The following METAP1 variants were observed in gnomAD, a reference collection of about 807,000 sequenced individuals.
METAP1 encodes methionine aminopeptidase 1.
In METAP1, 28 loss-of-function variants were observed where a neutral mutation model predicts 53.8. The ratio of observed to expected loss-of-function variants is 0.52; its 90% CI spans 0.39 to 0.71. The LOEUF is 0.71. Among genes scored for constraint, METAP1 ranks in the 30% least tolerant of loss-of-function variants. METAP1 has a pLI of 0.00. For synonymous variants in METAP1, 181 were observed against 165.7 expected, an observed-to-expected ratio of 1.09 and a Z score of -0.71; for missense variants, 389 against 479.8, an observed-to-expected ratio of 0.81 and a Z score of 1.77.
At position 99,048,739 on chromosome 4, in the gene METAP1, C is replaced by T. The variant is rs1726462210; in HGVS notation, c.794C>T (p.Pro265Leu). The change falls in exon 9 of 11, where the codon CCT becomes CTT. Residue 265 changes from proline (P) to leucine (L), a missense_variant. Pro to Leu is a moderately conservative substitution (Grantham distance 98). Transcript: ENST00000296411. ...TTTTCTTTTTTCCTTTCAGTGAAGC[C>T]TGGTGTTCGGTACAGAGAATTGGGA... The part of the protein sequence containing the change: ...CLMQAIDAVK[P>L]GVRYRELGNI... 1.2e-6 allele frequency: 2 copies of T among 1,613,470 alleles called. No individual in the cohort carries two copies. Among genetic ancestry groups the T allele is most frequent in the African/African-American group, 1.3e-5 (1 of 74,900 alleles).
At position 98,999,052 on chromosome 4, in the gene METAP1, C is replaced by T. The variant is rs951741862; in HGVS notation, c.114+3185C>T. On this transcript the variant is annotated intron_variant, in intron 1 of 10. Coordinates refer to ENST00000296411, the MANE Select transcript of METAP1 (RefSeq NM_015143.3). ...GAACTGCTGACCTCAGGTGATCCAC[C>T]CTCCTTGGCCTCCCAAAGTGCTGGG... 2.0e-5 allele frequency among the ~76,000 whole-genome samples: 3 copies of T among 152,164 alleles called. No homozygotes were observed. The East Asian group carries it at 5.8e-4, about 29-fold the overall frequency.
intron 6 of METAP1, among the ~76,000 whole-genome samples, chr4:99,042,158 A>G (rs768494062): frequency 5.9e-5 from 9 of 152,044 alleles, no homozygotes; most frequent in Non-Finnish European, 1.2e-4. Flanking sequence ...GGCATTTTCA[A>G]TCTAGAAAGT....
chr4:99,008,314 T>G (rs1560694571), intron 1 of METAP1, among the ~76,000 whole-genome samples: 1 of 151,866 alleles, frequency 6.6e-6, no homozygotes, highest in Non-Finnish European at 1.5e-5. Context: ...TAAGGAAGAG[T>G]CCAAGTACAG....
At chr4:99,057,703 A>T in intron 9 of METAP1, 50 bp from the exon 10 acceptor site, 1 of 1,371,804 alleles carries the variant, frequency 7.3e-7, no homozygotes, top group Non-Finnish European at 1.0e-6. Context: ...GCTGTTCAAC[A>T]GTACACTGTT....
intron 2 of METAP1, chr4:99,031,563 G>A: frequency 1.6e-6 from 2 of 1,288,534 alleles, no homozygotes; most frequent in Non-Finnish European, 1.0e-6. Flanking sequence ...GTGACCATGG[G>A]TTATTCTAAG....
At chr4:99,033,941 C>T (rs1192087425) in intron 2 of METAP1, among the ~76,000 whole-genome samples, 1 of 152,102 alleles carries the variant, frequency 6.6e-6, no homozygotes, top group African/African-American at 2.4e-5. Context: ...ATGACCTGTT[C>T]TTGTTCGATA....
Position 99,002,213 on chromosome 4 carries a change from G to A in METAP1, c.114+6346G>A, listed in dbSNP as rs555989408. On this transcript the variant is annotated intron_variant, in intron 1 of 10. Transcript: ENST00000296411. ...AAGCTCATTCCAGCTCTAGATATTC[G>A]GAAGAAAAGCAGTGGCACGGTAACT... 5.3e-5 allele frequency among the ~76,000 whole-genome samples: 8 copies of A among 152,224 alleles called. No individual in the cohort carries two copies. In the South Asian group the frequency reaches 1.5e-3, roughly 28 times the overall value.
At chr4:99,017,752 G>A (rs1455785143) in intron 1 of METAP1, among the ~76,000 whole-genome samples, 2 of 152,240 alleles carry the variant, frequency 1.3e-5, no homozygotes, top group Non-Finnish European at 2.9e-5. Flanking sequence ...TTACTGTTAA[G>A]TATCCCCCAA....
At chr4:99,001,976 C>G (rs1722946299) in intron 1 of METAP1, among the ~76,000 whole-genome samples, 1 of 152,144 alleles carries the variant, frequency 6.6e-6, no homozygotes, top group Non-Finnish European at 1.5e-5. Context: ...GGTTGGTAGG[C>G]AATCAAAAGT....
chr4:99,047,361 C>T (rs530628619), intron 8 of METAP1, among the ~76,000 whole-genome samples: 2 of 152,162 alleles, frequency 1.3e-5, no homozygotes, highest in Non-Finnish European at 2.9e-5. Context: ...AGATACTACC[C>T]TTGGGGCCGC....
At chr4:99,025,236 C>A (rs944992756) in intron 1 of METAP1, 8 of 411,770 alleles carry the variant, frequency 1.9e-5, no homozygotes, top group Non-Finnish European at 2.6e-5. Context: ...TTGGCCTGTG[C>A]CCAGGAATGA....
chr4:99,004,500 CACACACACACACAA>C (rs1723086668), intron 1 of METAP1, among the ~76,000 whole-genome samples: 4 of 80,922 alleles, frequency 4.9e-5, no homozygotes, highest in African/African-American at 1.5e-4. Context: ...CACACACACA[CACACACACACACAA>C]AATAACACAG....
chr4:99,023,144 G>A (rs977540135), intron 1 of METAP1: 11 of 765,600 alleles, frequency 1.4e-5, no homozygotes, highest in African/African-American at 1.4e-4. Flanking sequence ...TGACTGACAC[G>A]AGCAGCACGA....
chr4:99,057,540 A>G (rs1205515798), intron 9 of METAP1, among the ~76,000 whole-genome samples: 1 of 129,240 alleles, frequency 7.7e-6, no homozygotes, highest in Non-Finnish European at 1.5e-5. Flanking sequence ...TAGAGAACAC[A>G]TAAGCGTAAT....
chr4:99,014,952 G>A (rs1723671490), intron 1 of METAP1, among the ~76,000 whole-genome samples: 1 of 152,166 alleles, frequency 6.6e-6, no homozygotes. Context: ...AATGGCCCTC[G>A]GGGGCTGACC....
chr4:99,020,059 A>C (rs1310873040), intron 1 of METAP1, among the ~76,000 whole-genome samples: 1 of 152,206 alleles, frequency 6.6e-6, no homozygotes, highest in Non-Finnish European at 1.5e-5. Context: ...CGAGCAGGAA[A>C]TGTAACATCC....
chr4:99,006,482 T>C (rs1193806999), intron 1 of METAP1, among the ~76,000 whole-genome samples: 1 of 152,204 alleles, frequency 6.6e-6, no homozygotes, highest in African/African-American at 2.4e-5. Flanking sequence ...TGTGTGTATA[T>C]GTGTATTTGT....
At chr4:99,005,647 A>C in intron 1 of METAP1, 1 of 266,508 alleles carries the variant, frequency 3.8e-6, no homozygotes, top group Non-Finnish European at 7.6e-6. Flanking sequence ...ACATTTCACA[A>C]TTGCAAAGAT....
At position 99,014,893 on chromosome 4, in the gene METAP1, C is replaced by G. The variant is rs114849722; in HGVS notation, c.115-13974C>G. On this transcript the variant is annotated intron_variant, in intron 1 of 10. Transcript: ENST00000296411. ...TTTCCAAGGAATATTGAGTTCTCCT[C>G]CTGCTGTGAGAGGCATGAGGCAAAC... is the stretch of plus-strand genomic sequence containing the variant. Among the ~76,000 whole-genome samples, 1,115 of 152,302 alleles carry G rather than the reference C, an allele frequency of 7.3e-3. 16 individuals carry two copies. Among genetic ancestry groups the G allele is most frequent in the African/African-American group, 0.026 (1,074 of 41,558 alleles).
Sources: allele counts gnomAD v4.1 joint callset (sites outside exome capture counted in the v4.1 genomes callset), GRCh38; gene constraint gnomAD v4.1.1; transcripts MANE v1.5; gene names NCBI Gene and HGNC (gene_info 2026-07-23, HGNC 2026-07-21).